Variants in DDX50 observed in about 807,000 individuals in gnomAD.
DDX50 encodes the protein DExD-box helicase 50, also known as ATP-dependent RNA helicase DDX50.
In DDX50, 56 loss-of-function variants were observed where a neutral mutation model predicts 94.8. The observed-to-expected ratio is 0.59, with a 90% CI of 0.48 to 0.74. DDX50 has a LOEUF of 0.74. Ranked by LOEUF, DDX50 falls within the 30% of genes least tolerant of loss-of-function variation. DDX50 has a pLI of 0.00. For synonymous variants in DDX50, 264 were observed against 295.4 expected, an observed-to-expected ratio of 0.89 and a Z score of 1.09; for missense variants, 713 against 881.2, an observed-to-expected ratio of 0.81 and a Z score of 2.42.
intron 7 of DDX50, among the ~76,000 whole-genome samples, chr10:68,915,910 A>G (rs1037430138): frequency 2.6e-5 from 4 of 152,200 alleles, no homozygotes; most frequent in South Asian, 2.1e-4. Context: ...AAACCAAATT[A>G]TACAATGATG....
At chr10:68,909,786 C>T (rs200549474) in intron 2 of DDX50, among the ~76,000 whole-genome samples, 8 of 152,138 alleles carry the variant, frequency 5.3e-5, no homozygotes, top group Non-Finnish European at 1.0e-4. Context: ...CCTCAGCCTC[C>T]CGAGTAGCTG....
chr10:68,943,286 G>T, intron 14 of DDX50, 29 bp downstream of exon 14: 1 of 1,550,852 alleles, frequency 6.4e-7, no homozygotes, highest in Non-Finnish European at 8.8e-7. Context: ...CTTTTAAATG[G>T]TTGAGTACAT....
Position 68,910,393 on chromosome 10 carries a change from T to C in DDX50, c.460+11T>C. The C allele has an allele frequency of 2.5e-6, 4 of 1,585,422 alleles. No individual in the cohort carries two copies. The highest frequency in any genetic ancestry group is 3.4e-6 in the Non-Finnish European group (4 of 1,170,108). ...TAAAGCTTCTGAAAGGTATGCAGTTTGGTTGTTGTTGTTATTGTTGTTGTT... is the reference window on the plus strand; with the variant it reads ...TAAAGCTTCTGAAAGGTATGCAGTTCGGTTGTTGTTGTTATTGTTGTTGTT... On this transcript the variant is annotated intron_variant, in intron 3 of 14. Coordinates refer to ENST00000373585, the MANE Select transcript of DDX50 (RefSeq NM_024045.2).
chr10:68,905,125 A>C (rs1001585779), intron 1 of DDX50, among the ~76,000 whole-genome samples: 2 of 152,186 alleles, frequency 1.3e-5, no homozygotes, highest in Admixed American at 6.5e-5. Context: ...CATGTTGGCC[A>C]GGCTGGTCTT....
chr10:68,938,745 G>A (rs1418679802), intron 12 of DDX50, among the ~76,000 whole-genome samples: 8 of 152,126 alleles, frequency 5.3e-5, no homozygotes, highest in African/African-American at 7.2e-5. Context: ...GCTCCATTCC[G>A]TTTATCCATA....
intron 4 of DDX50, among the ~76,000 whole-genome samples, chr10:68,911,980 A>G (rs1317489509): frequency 2.0e-5 from 3 of 152,246 alleles, no homozygotes; most frequent in African/African-American, 7.2e-5. Flanking sequence ...TATGACTAAA[A>G]GTAATTTGTT....
intron 8 of DDX50, among the ~76,000 whole-genome samples, chr10:68,928,296 A>G (rs1413552172): frequency 6.6e-6 from 1 of 152,142 alleles, no homozygotes; most frequent in Non-Finnish European, 1.5e-5. Context: ...ACCCTGGGCG[A>G]CCGAGTGAGA....
At chr10:68,925,095 G>GTTTTTTTTTTTTTTTT (rs1239190321) in intron 8 of DDX50, among the ~76,000 whole-genome samples, 6 of 28,578 alleles carry the variant, frequency 2.1e-4, no homozygotes, top group African/African-American at 5.6e-4. Flanking sequence ...CCTGCTCATG[G>GTTTTTTTTTTTTTTTT]TTTTTTTTTT....
intron 4 of DDX50, among the ~76,000 whole-genome samples, chr10:68,912,198 T>TG (rs1479034803): frequency 6.6e-6 from 1 of 152,036 alleles, no homozygotes; most frequent in East Asian, 1.9e-4. Context: ...CACTGCTTTT[T>TG]TTTTGTTTTG....
chr10:68,913,239 C>T lies in DDX50; in HGVS notation c.717C>T (p.Ser239=), dbSNP rs61743410. ...TCAAAGATATAACTAGGAAACTCAG[C>T]GTGGCGTGTTTTTATGGTGGAACAT... ...KDFKDITRKL[S]VACFYGGTSY... is the part of the protein sequence containing the mutation. Residue 239 remains serine, a synonymous_variant, in exon 5 of 15, where the codon AGC becomes AGT. Coordinates refer to ENST00000373585, the MANE Select transcript of DDX50 (RefSeq NM_024045.2). 9.1e-4 allele frequency: 1,472 copies of T among 1,613,242 alleles called. 12 individuals are homozygous for T. In the African/African-American group the frequency reaches 0.017, roughly 19 times the overall value.
At position 68,914,127 on chromosome 10, in the gene DDX50, A is replaced by G. The variant is rs1030202630; in HGVS notation, c.1012A>G (p.Lys338Glu). Reference sequence around the variant, plus strand: ...CCCACAGTGGGTATACAAAGTTGCAAAAAAATACATGAAATCCAGATATGA... The same window carrying G: ...CCCACAGTGGGTATACAAAGTTGCAGAAAAATACATGAAATCCAGATATGA... Reference protein sequence around the residue: ...TCPQWVYKVAKKYMKSRYEQV... With the variant: ...TCPQWVYKVAEKYMKSRYEQV... Residue 338 changes from lysine to glutamate, a missense_variant, in exon 7 of 15, where the codon AAA becomes GAA. This residue lies in a region of DDX50 where 428 missense variants were observed against 602.3 expected (regional missense o/e 0.71). Transcript: ENST00000373585. 3.1e-6 allele frequency: 5 copies of G among 1,612,388 alleles called. No homozygotes were observed. The highest frequency in any genetic ancestry group is 1.3e-5 in the African/African-American group (1 of 74,802).
chr10:68,936,018 A>G lies in DDX50; in HGVS notation c.1534A>G (p.Lys512Glu). Residue 512 changes from lysine (K) to glutamate (E), a missense_variant, in exon 11 of 15, where the codon AAA becomes GAA. This residue lies in a region of DDX50 where 428 missense variants were observed against 602.3 expected (regional missense o/e 0.71). Coordinates refer to ENST00000373585, the MANE Select transcript of DDX50 (RefSeq NM_024045.2). ...YVEQKAGITFKRVGVPSTMDL... is the reference protein window; with the variant it reads ...YVEQKAGITFERVGVPSTMDL... ...CTTTCATTTTCAGGGAATTACTTTT[A>G]AACGTGTAGGTGTTCCTTCTACAAT... The G allele has an allele frequency of 6.2e-7, 1 of 1,604,674 alleles. No individual in the cohort carries two copies. Among genetic ancestry groups the G allele is most frequent in the Admixed American group, 1.7e-5 (1 of 58,492 alleles).
At chr10:68,907,317 C>CTTTTTTTT (rs59316500) in intron 2 of DDX50, among the ~76,000 whole-genome samples, 66 of 130,358 alleles carry the variant, frequency 5.1e-4, no homozygotes, top group Non-Finnish European at 7.0e-4. Flanking sequence ...TTTCTTTTTT[C>CTTTTTTTT]TTTTTTTTTT....
At position 68,936,954 on chromosome 10, in the gene DDX50, T is replaced by C; in HGVS notation, c.1614T>C (p.Ser538=). 1 of 1,609,652 alleles carries C rather than the reference T, an allele frequency of 6.2e-7. No individual in the cohort carries two copies. The highest frequency in any genetic ancestry group is 8.5e-7 in the Non-Finnish European group (1 of 1,178,170). ...ACCATAGGTCTCTGGCTTCCGTTTC[T>C]TACGCTGCTGTTGATTTTTTCCGAC... ...MDAIRSLASV[S]YAAVDFFRPS... is the part of the protein sequence containing the mutation. Residue 538 remains serine (S), a synonymous_variant, in exon 12 of 15, where the codon TCT becomes TCC. Coordinates refer to ENST00000373585, the MANE Select transcript of DDX50 (RefSeq NM_024045.2).
chr10:68,923,526 A>G (rs1194025230), intron 8 of DDX50, among the ~76,000 whole-genome samples: 1 of 151,256 alleles, frequency 6.6e-6, no homozygotes. Context: ...ATATATGTAT[A>G]TTTTATTTTA....
chr10:68,908,854 C>T (rs1011267208), intron 2 of DDX50, among the ~76,000 whole-genome samples: 1 of 152,080 alleles, frequency 6.6e-6, no homozygotes, highest in Non-Finnish European at 1.5e-5. Context: ...CTATGTTGCC[C>T]AGACTGGTCT....
At position 68,906,906 on chromosome 10, in the gene DDX50, G is replaced by T; in HGVS notation, c.283G>T (p.Asp95Tyr). The T allele has an allele frequency of 1.2e-6, 2 of 1,609,792 alleles. No individual in the cohort carries two copies. Among genetic ancestry groups the T allele is most frequent in the Non-Finnish European group, 1.7e-6 (2 of 1,179,072 alleles). The change falls in exon 2 of 15, where the codon GAT becomes TAT. Residue 95 changes from aspartate (D) to tyrosine (Y), a missense_variant. By Grantham distance (160) the Asp-to-Tyr change is radical (BLOSUM62 -3). Around this residue, in one of 2 missense-constraint regions of DDX50, gnomAD observed 285 missense variants for 278.9 expected, o/e 1.02. Coordinates refer to ENST00000373585, the MANE Select transcript of DDX50 (RefSeq NM_024045.2). Reference sequence around the variant, plus strand: ...CAAATCTCATAAGTCAAGAAGAAAAGATCTACCAAATGGAGATATAGATGA... The same window carrying T: ...CAAATCTCATAAGTCAAGAAGAAAATATCTACCAAATGGAGATATAGATGA... ...FSKSHKSRRK[D>Y]LPNGDIDEYE...
intron 8 of DDX50, among the ~76,000 whole-genome samples, chr10:68,920,378 G>A (rs924151912): frequency 1.3e-5 from 2 of 152,038 alleles, no homozygotes; most frequent in African/African-American, 2.4e-5. Flanking sequence ...GCCCAGGCTG[G>A]TCTTGAACTC....
chr10:68,918,822 C>T (rs79354359), intron 7 of DDX50, among the ~76,000 whole-genome samples: 148 of 152,258 alleles, frequency 9.7e-4, no homozygotes, highest in African/African-American at 3.3e-3. Context: ...CAGTCATGTG[C>T]TGCATAACGA....
Sources: gnomAD v4.1 joint callset for allele counts (sites outside exome capture counted in the v4.1 genomes callset) on GRCh38, gnomAD v4.1.1 for gene constraint, gnomAD v4.1.1 regional missense constraint, MANE v1.5 for transcripts, NCBI Gene and HGNC (gene_info 2026-07-23, HGNC 2026-07-21) for gene names.